The following GM2A variants were observed in gnomAD, a reference collection of about 807,000 sequenced individuals.
The protein encoded by GM2A is ganglioside GM2 activator, also known as GM2 ganglioside activator.
GM2A carries 7 observed loss-of-function variants against 12.9 expected under a neutral mutation model. That is an observed-to-expected ratio of 0.54 (90% CI 0.31 to 1.02). The LOEUF (loss-of-function observed/expected upper bound fraction) is 1.02, where lower values mean the gene tolerates loss of function less well. Ranked by LOEUF, GM2A falls within the 50% of genes least tolerant of loss-of-function variation. The pLI, the probability that GM2A is intolerant of heterozygous loss-of-function variation, is 0.05. For missense variants in GM2A, 246 were observed against 241.0 expected, an observed-to-expected ratio of 1.02 and a Z score of -0.14; for synonymous variants, 101 against 96.0, an observed-to-expected ratio of 1.05 and a Z score of -0.30.
At chr5:151,266,055 G>A (rs1264531730) in intron 2 of GM2A, among the ~76,000 whole-genome samples, 3 of 152,228 alleles carry the variant, frequency 2.0e-5, no homozygotes, top group Non-Finnish European at 4.4e-5. Flanking sequence ...AAAGGATTTT[G>A]GGGCCACGAC....
intron 2 of GM2A, among the ~76,000 whole-genome samples, chr5:151,263,974 C>G (rs1344738682): frequency 6.6e-6 from 1 of 152,152 alleles, no homozygotes; most frequent in Non-Finnish European, 1.5e-5. Context: ...AAGACTGGGG[C>G]CTGCTCAGGA....
intron 1 of GM2A, among the ~76,000 whole-genome samples, chr5:151,255,192 T>A (rs1178819853): frequency 6.6e-6 from 1 of 152,104 alleles, no homozygotes; most frequent in Non-Finnish European, 1.5e-5. Context: ...TCCCAGCTAC[T>A]TGAGAGGCTA....
chr5:151,257,393 T>C (rs1419947430), intron 1 of GM2A, among the ~76,000 whole-genome samples: 2 of 152,066 alleles, frequency 1.3e-5, no homozygotes, highest in Non-Finnish European at 2.9e-5. Flanking sequence ...TCTTCTCCGG[T>C]AGGTACTCTG....
At chr5:151,254,081 T>C (rs1253735452) in intron 1 of GM2A, among the ~76,000 whole-genome samples, 1 of 152,248 alleles carries the variant, frequency 6.6e-6, no homozygotes, top group East Asian at 1.9e-4. Flanking sequence ...ACATTTTCTT[T>C]ATGCATTCAA....
At chr5:151,254,381 TC>T (rs1334388816) in intron 1 of GM2A, among the ~76,000 whole-genome samples, 2 of 152,296 alleles carry the variant, frequency 1.3e-5, no homozygotes, top group Admixed American at 1.3e-4. Context: ...GGGGTCTCAC[TC>T]TGTCACCCAG....
At chr5:151,267,001 A>G in intron 3 of GM2A, 88 bp downstream of exon 3, 4 of 1,090,816 alleles carry the variant, frequency 3.7e-6, no homozygotes, top group Non-Finnish European at 5.6e-6. Context: ...CCTTCTGCAG[A>G]TCTGCATGTC....
rs577090410 is a variant in GM2A, at chr5:151,260,318, CAAAAAATAAAT to C, written c.243+407_243+417del. Among the ~76,000 whole-genome samples, 515 of 152,156 alleles carry C rather than the reference CAAAAAATAAAT, an allele frequency of 3.4e-3. 2 individuals are homozygous for C. Among genetic ancestry groups the C allele is most frequent in the Admixed American group, 5.8e-3 (89 of 15,272 alleles). ...AGTCACTTTAGAAAACACAAGTGGTCAAAAAATAAATAAAATAGGCCAGGTGTGGTGGCTCA... is the reference window on the plus strand; with the variant it reads ...AGTCACTTTAGAAAACACAAGTGGTCAAAATAGGCCAGGTGTGGTGGCTCA... On this transcript the variant is annotated intron_variant, in intron 2 of 3. Transcript: ENST00000357164.
chr5:151,266,700 T>C (rs1175282157), intron 2 of GM2A, 31 bp from the exon 3 acceptor site: 1 of 1,585,004 alleles, frequency 6.3e-7, no homozygotes, highest in Non-Finnish European at 8.7e-7. Flanking sequence ...TATAACCTTT[T>C]TCAAACCTTT....
chr5:151,267,274 C>G (rs183697013), intron 3 of GM2A, 22 bp from the exon 4 acceptor site: 3 of 1,614,040 alleles, frequency 1.9e-6, no homozygotes, highest in East Asian at 2.2e-5. Context: ...CACTGACTGG[C>G]GGTCCACTGG....
chr5:151,268,357 G>A lies in GM2A; in HGVS notation c.*906G>A. On this transcript the variant is annotated 3_prime_UTR_variant, in exon 4 of 4. Coordinates refer to ENST00000357164, the MANE Select transcript of GM2A (RefSeq NM_000405.5). ...TTTAGTAGAGATGGGGTTTCACCATGTTGGCCAGGATGGTCTCGATCTCTT... is the reference window on the plus strand; with the variant it reads ...TTTAGTAGAGATGGGGTTTCACCATATTGGCCAGGATGGTCTCGATCTCTT... The A allele has an allele frequency of 5.5e-6, 3 of 543,636 alleles. No individual in the cohort carries two copies. Among genetic ancestry groups the A allele is most frequent in the South Asian group, 8.1e-5 (1 of 12,334 alleles). 33.7% of individuals were successfully genotyped at this position (543,636 alleles called of 1,614,324 possible).
At position 151,267,444 on chromosome 5, in the gene GM2A, G is replaced by T. The variant is rs751291017; in HGVS notation, c.575G>T (p.Gly192Val). The T allele has an allele frequency of 4.5e-5, 72 of 1,614,002 alleles. No homozygotes were observed. The Admixed American group carries it at 9.8e-4, about 22-fold the overall frequency. Residue 192 changes from glycine (G) to valine (V), a missense_variant, in exon 4 of 4, where the codon GGC becomes GTC. Physicochemically the swap from Gly to Val is moderately radical, Grantham distance 109. Transcript: ENST00000357164. The part of the protein sequence containing the change: ...GCIKIAASLK[G>V]I ...ATCAAGATCGCTGCCTCTCTAAAGG[G>T]CATATAACATGGCATCTGCCACAGC...
intron 1 of GM2A, among the ~76,000 whole-genome samples, chr5:151,257,610 G>C (rs1753716003): frequency 6.6e-6 from 1 of 152,086 alleles, no homozygotes; most frequent in South Asian, 2.1e-4. Flanking sequence ...CCTTCAGTGG[G>C]GTTCCACTGC....
rs979247934 is a variant in GM2A, at chr5:151,269,650, C to A, written c.*2199C>A. 6 of 179,274 alleles carry A rather than the reference C, an allele frequency of 3.3e-5. No homozygotes were observed. Among genetic ancestry groups the A allele is most frequent in the Non-Finnish European group, 6.5e-5 (6 of 92,806 alleles). The allele number at this position is 179,274 out of a possible 1,614,324, so 11.1% of individuals were successfully genotyped here. A position where few individuals can be genotyped will look rare whatever the true frequency, so the allele number is the denominator to read the frequency against. On this transcript the variant is annotated 3_prime_UTR_variant, in exon 4 of 4. Transcript: ENST00000357164. ...CTTTCCTATTATCTAAAGCAGGCAT[C>A]TGGTTCCAGATTTCTTTTCCCCGAA... is the stretch of plus-strand genomic sequence containing the variant.
chr5:151,267,903 A>G lies in GM2A; in HGVS notation c.*452A>G, dbSNP rs928017125. ...GGCCCCCTGTTACAATGAAGGGGCA[A>G]AAGTATTTGCTCTTAGTCTATTCCT... On this transcript the variant is annotated 3_prime_UTR_variant, in exon 4 of 4. Coordinates refer to ENST00000357164, the MANE Select transcript of GM2A (RefSeq NM_000405.5). 1.7e-6 allele frequency: 2 copies of G among 1,148,808 alleles called. No individual in the cohort carries two copies. Among genetic ancestry groups the G allele is most frequent in the Non-Finnish European group, 2.2e-6 (2 of 923,530 alleles). The allele number at this position is 1,148,808 out of a possible 1,614,324, so 71.2% of individuals were successfully genotyped here.
Position 151,267,762 on chromosome 5 carries a change from G to C in GM2A, c.*311G>C. ...CATTTCCAAAGCAGTTAAGGAATGG[G>C]AACCAGAGTGTTTTAGGACCTGAAG... On this transcript the variant is annotated 3_prime_UTR_variant, in exon 4 of 4. Transcript: ENST00000357164. 1 of 1,253,432 alleles carries C rather than the reference G, an allele frequency of 8.0e-7. No homozygotes were observed. The highest frequency in any genetic ancestry group is 1.0e-6 in the Non-Finnish European group (1 of 982,696). The allele number at this position is 1,253,432 out of a possible 1,614,324, so 77.6% of individuals were successfully genotyped here.
At chr5:151,255,762 AG>A (rs1753673980) in intron 1 of GM2A, among the ~76,000 whole-genome samples, 1 of 152,114 alleles carries the variant, frequency 6.6e-6, no homozygotes, top group South Asian at 2.1e-4. Context: ...ATTTGCCTGG[AG>A]AATTTATACC....
intron 1 of GM2A, among the ~76,000 whole-genome samples, chr5:151,257,219 T>G (rs889805314): frequency 1.3e-5 from 2 of 152,102 alleles, no homozygotes; most frequent in Non-Finnish European, 2.9e-5. Flanking sequence ...CTGGCCTTGG[T>G]GGGCACTGCT....
chr5:151,266,808 C>T lies in GM2A; in HGVS notation c.321C>T (p.Thr107=), dbSNP rs780949321. 1.2e-6 allele frequency: 2 copies of T among 1,613,544 alleles called. No individual in the cohort carries two copies. Among genetic ancestry groups the T allele is most frequent in the African/African-American group, 1.3e-5 (1 of 74,896 alleles). The change falls in exon 3 of 4, where the codon ACC becomes ACT. Residue 107 remains threonine, a synonymous_variant. Coordinates refer to ENST00000357164, the MANE Select transcript of GM2A (RefSeq NM_000405.5). The stretch of plus-strand genomic sequence containing the variant: ...GCACAGACTACATTGGCAGCTGTAC[C>T]TTTGAACACTTCTGTGATGTGCTTG... The part of the protein sequence containing the change: ...IPCTDYIGSC[T]FEHFCDVLDM...
In GM2A at chr5:151,267,466, C is replaced by T. The variant is rs1753913503; in HGVS notation, c.*15C>T. 1.2e-6 allele frequency: 2 copies of T among 1,613,908 alleles called. No homozygotes were observed. Among genetic ancestry groups the T allele is most frequent in the African/African-American group, 1.3e-5 (1 of 74,920 alleles). On this transcript the variant is annotated 3_prime_UTR_variant, in exon 4 of 4. Coordinates refer to ENST00000357164, the MANE Select transcript of GM2A (RefSeq NM_000405.5). ...AGGGCATATAACATGGCATCTGCCA[C>T]AGCAGAATGGAGCGGTGTGAGGAAG...
Sources: gnomAD v4.1 joint callset for allele counts (sites outside exome capture counted in the v4.1 genomes callset) on GRCh38, gnomAD v4.1.1 for gene constraint, MANE v1.5 for transcripts, NCBI Gene and HGNC (gene_info 2026-07-23, HGNC 2026-07-21) for gene names.